EIF2AK1: variants seen among roughly 807,000 people sequenced by gnomAD.
EIF2AK1 encodes eukaryotic translation initiation factor 2-alpha kinase 1.
Under a neutral mutation model 77.9 loss-of-function variants are expected in EIF2AK1, and 54 were observed. That is an observed-to-expected ratio of 0.69 (90% CI 0.56 to 0.87). The LOEUF (loss-of-function observed/expected upper bound fraction) is 0.87. Ranked by LOEUF, EIF2AK1 falls within the 40% of genes least tolerant of loss-of-function variation. The pLI, the probability that EIF2AK1 is intolerant of heterozygous loss-of-function variation, is 0.00. For missense variants in EIF2AK1, 810 were observed against 768.6 expected (o/e 1.05, Z -0.64); for synonymous variants, 314 against 290.5 (o/e 1.08, Z -0.82).
At chr7:6,049,768 T>G in intron 3 of EIF2AK1, 144 bp downstream of exon 3, 46 of 745,118 alleles carry the variant, frequency 6.2e-5, no homozygotes, top group Non-Finnish European at 9.1e-5. Flanking sequence ...GATTAAGGCA[T>G]GAGCCACACC....
In EIF2AK1 at chr7:6,027,905, T is replaced by C. The variant is rs1787796143; in HGVS notation, c.1530+710A>G. On this transcript the variant is annotated intron_variant, in intron 13 of 14. Coordinates refer to ENST00000199389, the MANE Select transcript of EIF2AK1 (RefSeq NM_014413.4). This position sits in a 1 kb window ranked among gnomAD's most constrained non-coding sequence, Gnocchi z 4.5. Reference sequence around the variant, plus strand: ...AGCAAGACCCATCTCTACAAATAATTTTTTTTATTAGCTGGGTGTGGTAGC... The same window carrying C: ...AGCAAGACCCATCTCTACAAATAATCTTTTTTATTAGCTGGGTGTGGTAGC... The C allele has an allele frequency of 2.2e-6, 1 of 450,346 alleles. No homozygotes were observed. Among genetic ancestry groups the C allele is most frequent in the East Asian group, 7.1e-5 (1 of 14,140 alleles). The allele number at this position is 450,346 out of a possible 1,614,324, so 27.9% of individuals were successfully genotyped here.
intron 2 of EIF2AK1, among the ~76,000 whole-genome samples, chr7:6,053,156 C>G (rs1280089651): frequency 1.3e-5 from 2 of 152,050 alleles, no homozygotes; most frequent in Non-Finnish European, 1.5e-5. Flanking sequence ...CAGACGCTTT[C>G]CAGACTCACA....
intron 14 of EIF2AK1, among the ~76,000 whole-genome samples, chr7:6,025,788 C>G (rs1156349982): frequency 6.6e-6 from 1 of 152,054 alleles, no homozygotes; most frequent in African/African-American, 2.4e-5. Flanking sequence ...GTGTGCACCA[C>G]CACGCCCGGC....
intron 1 of EIF2AK1, among the ~76,000 whole-genome samples, chr7:6,056,507 T>C (rs1335529908): frequency 6.9e-6 from 1 of 145,952 alleles, no homozygotes; most frequent in Non-Finnish European, 1.5e-5. Context: ...GGCAGAGAAC[T>C]GCTTAAACCT....
chr7:6,029,561 C>G (rs934291653), intron 11 of EIF2AK1, among the ~76,000 whole-genome samples: 1 of 151,718 alleles, frequency 6.6e-6, no homozygotes, highest in Non-Finnish European at 1.5e-5. Context: ...TGCGGGTGAA[C>G]GCAAGCATCA....
In EIF2AK1 at chr7:6,026,849, G is replaced by C. The variant is rs776633236; in HGVS notation, c.1643C>G (p.Ser548Cys). ...TGLRTGQLPE[S>C]LRKRCPVQAK... ...TTGCACTGGACACCTTTTACGGAGG[G>C]ATTCCGGCAACTGACCAGTTCTTAA... The change falls in exon 14 of 15, where the codon TCC becomes TGC. Residue 548 changes from serine to cysteine, a missense_variant. Physicochemically the swap from Ser to Cys is moderately radical, Grantham distance 112 (BLOSUM62 -1). This residue lies in a region of EIF2AK1 where 549 missense variants were observed against 533.7 expected (regional missense o/e 1.03). Transcript: ENST00000199389. 5 of 1,614,138 alleles carry C rather than the reference G, an allele frequency of 3.1e-6. No individual in the cohort carries two copies. The East Asian group carries it at 6.7e-5, about 22-fold the overall frequency.
Position 6,023,167 on chromosome 7 carries a change from T to C in EIF2AK1, c.*1506A>G. 9.8e-7 allele frequency: 1 copy of C among 1,023,552 alleles called. No homozygotes were observed. The highest frequency in any genetic ancestry group is 1.4e-6 in the Non-Finnish European group (1 of 718,604). 63.4% of individuals were successfully genotyped at this position (1,023,552 alleles called of 1,614,324 possible). On this transcript the variant is annotated 3_prime_UTR_variant, in exon 15 of 15. Coordinates refer to ENST00000199389, the MANE Select transcript of EIF2AK1 (RefSeq NM_014413.4). ...AAGCATCTTAGAGACAGACTGAAAA[T>C]GTGATGTTCTTCTTGAAAACACCCT...
At chr7:6,055,001 T>C (rs1412590933) in intron 1 of EIF2AK1, among the ~76,000 whole-genome samples, 1 of 152,100 alleles carries the variant, frequency 6.6e-6, no homozygotes, top group East Asian at 1.9e-4. Flanking sequence ...CTAGGATGGC[T>C]TCCTTCCTTT....
Position 6,023,657 on chromosome 7 carries a change from C to G in EIF2AK1, c.*1016G>C, listed in dbSNP as rs1194037382. ...TGGATGAGGTCTTGTGAAAACCTGG[C>G]TCCTTTTAACACGGCCCTCAAGCTC... On this transcript the variant is annotated 3_prime_UTR_variant, in exon 15 of 15. Transcript: ENST00000199389. 2.5e-6 allele frequency: 4 copies of G among 1,613,946 alleles called. No individual in the cohort carries two copies. Among genetic ancestry groups the G allele is most frequent in the Non-Finnish European group, 3.4e-6 (4 of 1,180,006 alleles).
chr7:6,029,884 G>C (rs1787855286), intron 11 of EIF2AK1, among the ~76,000 whole-genome samples: 1 of 152,116 alleles, frequency 6.6e-6, no homozygotes, highest in African/African-American at 2.4e-5. Context: ...TCGGGAGGCT[G>C]AGGCAGAATT....
At position 6,036,305 on chromosome 7, in the gene EIF2AK1, C is replaced by T. The variant is rs1788091711; in HGVS notation, c.1332+1119G>A. ...TCAGGAATATTTATGGTGAGAAATACAAACAGCACTTGAAGCAATTCCTCC... is the reference window on the plus strand; with the variant it reads ...TCAGGAATATTTATGGTGAGAAATATAAACAGCACTTGAAGCAATTCCTCC... On this transcript the variant is annotated intron_variant, in intron 11 of 14. Transcript: ENST00000199389. This position sits in a 1 kb window ranked among gnomAD's most constrained non-coding sequence, Gnocchi z 4.6. The T allele has an allele frequency of 6.5e-7, 1 of 1,547,560 alleles. No individual in the cohort carries two copies. The highest frequency in any genetic ancestry group is 2.0e-5 in the Admixed American group (1 of 50,158).
Position 6,042,953 on chromosome 7 carries a change from G to C in EIF2AK1, c.771C>G (p.Leu257=), listed in dbSNP as rs769857736. Residue 257 remains leucine (L), a synonymous_variant, in exon 8 of 15, where the codon CTC becomes CTG. Coordinates refer to ENST00000199389, the MANE Select transcript of EIF2AK1 (RefSeq NM_014413.4). The stretch of plus-strand genomic sequence containing the variant: ...CATACCTGTCCTCTTCCTGGTCGGA[G>C]AGCACTTCCAGAGATGGCAACTCAA... ...AAIELPSLEV[L]SDQEEDREQC... The C allele has an allele frequency of 1.2e-6, 2 of 1,614,072 alleles. No homozygotes were observed. The highest frequency in any genetic ancestry group is 1.7e-6 in the Non-Finnish European group (2 of 1,179,974).
In EIF2AK1 at chr7:6,032,964, C is replaced by CTT; in HGVS notation, c.1333-3934_1333-3933dup. On this transcript the variant is annotated intron_variant, in intron 11 of 14. Transcript: ENST00000199389. The surrounding 1 kb of genome is among the most constrained non-coding windows in gnomAD (Gnocchi z 4.3). ...AAGTTAACTCCACCGAAAATCATTT[C>CTT]TTTTTTTTTCTTTTTTGTTTTGAGG... 1 of 1,512,406 alleles carries CTT rather than the reference C, an allele frequency of 6.6e-7. No individual in the cohort carries two copies. The highest frequency in any genetic ancestry group is 9.0e-7 in the Non-Finnish European group (1 of 1,116,582). 93.7% of individuals were successfully genotyped at this position (1,512,406 alleles called of 1,614,324 possible).
Position 6,028,952 on chromosome 7 carries a change from C to T in EIF2AK1, c.1413G>A (p.Gln471=), listed in dbSNP as rs2128885294. The change falls in exon 12 of 15, where the codon CAG becomes CAA. Residue 471 remains glutamine (Q), a synonymous_variant. Transcript: ENST00000199389. ...TTCTGTTGGTCCAGTCTGTGTTCTT[C>T]TGTAGGATGTCTGTGCAGGCCAGAC... The part of the protein sequence containing the change: ...DFGLACTDIL[Q]KNTDWTNRNG... 2 of 1,610,604 alleles carry T rather than the reference C, an allele frequency of 1.2e-6. No homozygotes were observed. The highest frequency in any genetic ancestry group is 2.2e-5 in the South Asian group (2 of 90,130).
intron 2 of EIF2AK1, among the ~76,000 whole-genome samples, chr7:6,050,825 G>A (rs985165588): frequency 3.3e-5 from 5 of 151,318 alleles, no homozygotes; most frequent in Non-Finnish European, 5.9e-5. Context: ...GGATGGTCTC[G>A]ATCTCCTGAC....
chr7:6,058,268 T>C (rs1056022467), intron 1 of EIF2AK1: 1 of 419,430 alleles, frequency 2.4e-6, no homozygotes, highest in Non-Finnish European at 4.7e-6. Context: ...AATTAAAAAA[T>C]TAGCTGGGCA....
In EIF2AK1 at chr7:6,032,988, G is replaced by A. The variant is rs1562744305; in HGVS notation, c.1333-3956C>T. 1 of 1,466,992 alleles carries A rather than the reference G, an allele frequency of 6.8e-7. No homozygotes were observed. The highest frequency in any genetic ancestry group is 9.3e-7 in the Non-Finnish European group (1 of 1,079,368). The allele number at this position is 1,466,992 out of a possible 1,614,324, so 90.9% of individuals were successfully genotyped here. On this transcript the variant is annotated intron_variant, in intron 11 of 14. Transcript: ENST00000199389. This position sits in a 1 kb window ranked among gnomAD's most constrained non-coding sequence, Gnocchi z 4.3. ...TCTTTTTTTTTCTTTTTTGTTTTGA[G>A]GCAGGGGTCTCGCTCTGTTGCCCAG... is the stretch of plus-strand genomic sequence containing the variant.
Position 6,033,432 on chromosome 7 carries a change from A to G in EIF2AK1, c.1332+3992T>C, listed in dbSNP as rs1787974193. On this transcript the variant is annotated intron_variant, in intron 11 of 14. Coordinates refer to ENST00000199389, the MANE Select transcript of EIF2AK1 (RefSeq NM_014413.4). This position sits in a 1 kb window ranked among gnomAD's most constrained non-coding sequence, Gnocchi z 4.4. ...GAAAAACTGAGAAAAATGCAACATC[A>G]TAAATATTTTGCCAAATTAATGCAC... Among the ~76,000 whole-genome samples the G allele has an allele frequency of 6.6e-6, 1 of 152,246 alleles. No individual in the cohort carries two copies. Among genetic ancestry groups the G allele is most frequent in the Non-Finnish European group, 1.5e-5 (1 of 68,044 alleles).
chr7:6,054,038 C>T (rs1158875742), intron 2 of EIF2AK1, among the ~76,000 whole-genome samples: 1 of 151,840 alleles, frequency 6.6e-6, no homozygotes, highest in Non-Finnish European at 1.5e-5. Context: ...GCTGTGCTAT[C>T]AAATACTAGA....
Sources: gnomAD v4.1 joint callset for allele counts (sites outside exome capture counted in the v4.1 genomes callset) on GRCh38, gnomAD v4.1.1 for gene constraint, gnomAD v4.1.1 regional missense constraint, Gnocchi (gnomAD v3.1) non-coding constraint, MANE v1.5 for transcripts, NCBI Gene and HGNC (gene_info 2026-07-23, HGNC 2026-07-21) for gene names.